Variants in CLMP observed in about 807,000 individuals in gnomAD.
The protein encoded by CLMP is CXADR-like membrane protein.
A neutral mutation model predicts 45.2 loss-of-function variants in CLMP; 27 were observed. The observed-to-expected ratio is 0.60, with a 90% CI of 0.44 to 0.82. The LOEUF (loss-of-function observed/expected upper bound fraction) is 0.82, where lower values mean the gene tolerates loss of function less well. CLMP is among the 40% of genes least tolerant of loss of function. The pLI is 0.00. For synonymous variants in CLMP, 167 were observed against 171.4 expected (o/e 0.97, Z 0.20); for missense variants, 403 against 448.4 (o/e 0.90, Z 0.91).
intron 2 of CLMP, among the ~76,000 whole-genome samples, chr11:123,089,701 C>T (rs149954267): frequency 0.085 from 12,515 of 146,408 alleles, 1,121 homozygotes; most frequent in African/African-American, 0.23. Context: ...GGCATGAACC[C>T]AGGAGGCGGA....
At chr11:123,125,577 C>G (rs1860881286) in intron 1 of CLMP, among the ~76,000 whole-genome samples, 2 of 134,194 alleles carry the variant, frequency 1.5e-5, no homozygotes, top group Non-Finnish European at 3.3e-5. Flanking sequence ...CCCTCCCTCC[C>G]TCCCTCCTTT....
chr11:123,153,120 C>A (rs961138743), intron 1 of CLMP, among the ~76,000 whole-genome samples: 1 of 152,150 alleles, frequency 6.6e-6, no homozygotes, highest in Admixed American at 6.5e-5. Context: ...ATTGACATTA[C>A]GGCATCTCTC....
chr11:123,150,582 A>G lies in CLMP; in HGVS notation c.28+44331T>C, dbSNP rs12284315. On this transcript the variant is annotated intron_variant, in intron 1 of 6. Coordinates refer to ENST00000448775, the MANE Select transcript of CLMP (RefSeq NM_024769.5). ...AAGGAAAGGAAGGAAGGAAGGAAGG[A>G]AAGGAAGGAAGGAAGGAAGGAATGA... Among the ~76,000 whole-genome samples the G allele has an allele frequency of 1.9e-3, 220 of 116,928 alleles. 6 individuals carry two copies. In the South Asian group the frequency reaches 0.039, roughly 21 times the overall value. 76.7% of individuals were successfully genotyped at this position (116,928 alleles called of 152,430 possible).
In CLMP at chr11:123,152,984, A is replaced by G. The variant is rs541746355; in HGVS notation, c.28+41929T>C. ...GTGGTTCAGCCACTGGCGGATACAA[A>G]TTGCCCCCAGAGGAAGCTCATTGAG... On this transcript the variant is annotated intron_variant, in intron 1 of 6. Transcript: ENST00000448775. Among the ~76,000 whole-genome samples the G allele has an allele frequency of 2.0e-5, 3 of 152,300 alleles. No homozygotes were observed. In the South Asian group the frequency reaches 6.2e-4, roughly 32 times the overall value.
At chr11:123,084,405 T>C in intron 3 of CLMP, 107 bp downstream of exon 3, 1 of 879,758 alleles carries the variant, frequency 1.1e-6, no homozygotes. Context: ...GAATGTGTAA[T>C]CCAAAGTACT....
intron 1 of CLMP, among the ~76,000 whole-genome samples, chr11:123,130,733 TTC>T (rs1468834778): frequency 6.6e-6 from 1 of 152,132 alleles, no homozygotes; most frequent in Non-Finnish European, 1.5e-5. Flanking sequence ...CAGAAAATAG[TTC>T]ACAAATCTAA....
chr11:123,171,734 G>A (rs887435474), intron 1 of CLMP, among the ~76,000 whole-genome samples: 60 of 152,178 alleles, frequency 3.9e-4, no homozygotes, highest in African/African-American at 2.2e-4. Context: ...ATGAGCCACC[G>A]CGCTCGGCCT....
intron 2 of CLMP, among the ~76,000 whole-genome samples, chr11:123,093,045 C>T (rs1045827451): frequency 6.6e-6 from 1 of 150,974 alleles, no homozygotes; most frequent in Non-Finnish European, 1.5e-5. Context: ...GTAACTGGGA[C>T]TACAGGCACC....
At chr11:123,126,814 A>G (rs485112) in intron 1 of CLMP, among the ~76,000 whole-genome samples, 1 of 151,866 alleles carries the variant, frequency 6.6e-6, no homozygotes, top group Non-Finnish European at 1.5e-5. Flanking sequence ...GGAGAATGGC[A>G]CGAACCTGGG....
At chr11:123,138,716 C>T (rs1242840233) in intron 1 of CLMP, among the ~76,000 whole-genome samples, 6 of 151,682 alleles carry the variant, frequency 4.0e-5, no homozygotes, top group Non-Finnish European at 8.8e-5. Context: ...TGCGATGGCA[C>T]GATCTCAGCT....
At chr11:123,075,035 A>G (rs1467095377) in intron 5 of CLMP, among the ~76,000 whole-genome samples, 192 bp from the exon 6 acceptor site, 1 of 150,968 alleles carries the variant, frequency 6.6e-6, no homozygotes, top group Non-Finnish European at 1.5e-5. Flanking sequence ...GGCTCATCGC[A>G]ACCTCCACCT....
chr11:123,132,535 G>A (rs1238061518), intron 1 of CLMP, among the ~76,000 whole-genome samples: 2 of 151,444 alleles, frequency 1.3e-5, no homozygotes, highest in Non-Finnish European at 2.9e-5. Flanking sequence ...CTTGGCTCAC[G>A]GCAACCTCCG....
intron 1 of CLMP, among the ~76,000 whole-genome samples, chr11:123,162,183 T>C (rs911025445): frequency 1.3e-5 from 2 of 152,148 alleles, no homozygotes; most frequent in African/African-American, 4.8e-5. Context: ...AACAGGATTC[T>C]AAAGAGCTAC....
intron 1 of CLMP, among the ~76,000 whole-genome samples, chr11:123,103,387 T>C (rs1362108263): frequency 6.6e-6 from 1 of 152,206 alleles, no homozygotes; most frequent in East Asian, 1.9e-4. Context: ...GAGCCAGCTA[T>C]GAAAGTTGCC....
At chr11:123,085,772 T>G (rs1454507507) in intron 2 of CLMP, among the ~76,000 whole-genome samples, 3 of 147,428 alleles carry the variant, frequency 2.0e-5, no homozygotes, top group South Asian at 2.1e-4. Context: ...TTTTTATGTT[T>G]TTTTTTTTTT....
intron 1 of CLMP, among the ~76,000 whole-genome samples, chr11:123,111,067 A>G (rs1421273287): frequency 9.9e-5 from 15 of 152,174 alleles, no homozygotes. Flanking sequence ...GAAATATAAA[A>G]TACAAGTGTA....
At chr11:123,163,852 G>C (rs532183459) in intron 1 of CLMP, among the ~76,000 whole-genome samples, 1 of 152,196 alleles carries the variant, frequency 6.6e-6, no homozygotes, top group East Asian at 1.9e-4. Context: ...GAGATGTTGG[G>C]AGCTAGAGTG....
At position 123,150,201 on chromosome 11, in the gene CLMP, AACACACACACAC is replaced by A. The variant is rs113858165; in HGVS notation, c.28+44700_28+44711del. On this transcript the variant is annotated intron_variant, in intron 1 of 6. Transcript: ENST00000448775. ...GGAAAAAAATGCTACACACACACTA[AACACACACACAC>A]ACACACACACACACACAGGGATTAG... Among the ~76,000 whole-genome samples, 303 of 142,284 alleles carry A rather than the reference AACACACACACAC, an allele frequency of 2.1e-3. 2 individuals carry two copies. Among genetic ancestry groups the A allele is most frequent in the African/African-American group, 7.0e-3 (268 of 38,328 alleles). 93.3% of individuals were successfully genotyped at this position (142,284 alleles called of 152,430 possible). A position where few individuals can be genotyped will look rare whatever the true frequency, so the allele number is the denominator to read the frequency against.
intron 5 of CLMP, among the ~76,000 whole-genome samples, chr11:123,081,066 T>C (rs760220664): frequency 4.9e-4 from 74 of 151,966 alleles, no homozygotes; most frequent in Middle Eastern, 3.4e-3. Flanking sequence ...AGCGGGAGAA[T>C]CGCTTGAACC....
Sources: allele counts gnomAD v4.1 joint callset (sites outside exome capture counted in the v4.1 genomes callset), GRCh38; gene constraint gnomAD v4.1.1; transcripts MANE v1.5; gene names NCBI Gene and HGNC (gene_info 2026-07-23, HGNC 2026-07-21).